The following ZNF160 variants were observed in gnomAD, a reference collection of about 807,000 sequenced individuals.
The protein encoded by ZNF160 is KRAB zinc finger protein KR18.
ZNF160 carries 9 observed loss-of-function variants against 13.1 expected under a neutral mutation model. The ratio of observed to expected loss-of-function variants is 0.69; its 90% CI spans 0.41 to 1.20. The LOEUF is 1.20. Among genes scored for constraint, ZNF160 ranks in the 50% most tolerant of loss-of-function variants. The probability of loss-of-function intolerance (pLI) is 0.01; values close to 1 mark genes in which losing one functional copy is unlikely to be tolerated. For missense variants in ZNF160, 838 were observed against 988.0 expected (o/e 0.85, Z 2.04); for synonymous variants, 293 against 333.2 (o/e 0.88, Z 1.31).
intron 5 of ZNF160, among the ~76,000 whole-genome samples, chr19:53,070,789 T>C (rs2084141239): frequency 6.6e-6 from 1 of 152,160 alleles, no homozygotes; most frequent in African/African-American, 2.4e-5. Flanking sequence ...CTGTTGTGGC[T>C]CATGCCTGTA....
chr19:53,086,635 A>T (rs561733149), intron 2 of ZNF160, among the ~76,000 whole-genome samples: 115 of 152,032 alleles, frequency 7.6e-4, no homozygotes, highest in Non-Finnish European at 1.4e-3. Flanking sequence ...CCCTGACCAA[A>T]CCCCATGCAG....
chr19:53,075,780 A>C, intron 3 of ZNF160: 1 of 518,998 alleles, frequency 1.9e-6, no homozygotes, highest in South Asian at 1.4e-5. Flanking sequence ...TGAGCCACTC[A>C]AGCAAACTAA....
chr19:53,100,357 T>G (rs2085396942), intron 1 of ZNF160, among the ~76,000 whole-genome samples: 1 of 152,232 alleles, frequency 6.6e-6, no homozygotes, highest in African/African-American at 2.4e-5. Context: ...ACGCCTGTAA[T>G]CCCAGCACTT....
At chr19:53,079,048 A>G (rs951789843) in intron 3 of ZNF160, among the ~76,000 whole-genome samples, 27 of 152,186 alleles carry the variant, frequency 1.8e-4, no homozygotes, top group African/African-American at 6.3e-4. Flanking sequence ...AAAGCCCTCA[A>G]CAAAATACTA....
In ZNF160 at chr19:53,082,199, TAA is replaced by T. The variant is rs572539269; in HGVS notation, c.15+4061_15+4062del. Among the ~76,000 whole-genome samples the T allele has an allele frequency of 1.1e-4, 17 of 152,290 alleles. No individual in the cohort carries two copies. The South Asian group carries it at 3.5e-3, about 32-fold the overall frequency. The stretch of plus-strand genomic sequence containing the variant: ...TTGGGTGATGGGATCTTTGGAAGAC[TAA>T]ACCTCAACATCACAAAATATACCCA... On this transcript the variant is annotated intron_variant, in intron 3 of 5. Coordinates refer to ENST00000683776, the MANE Select transcript of ZNF160 (RefSeq NM_001322131.2).
intron 1 of ZNF160, among the ~76,000 whole-genome samples, chr19:53,093,798 A>C (rs2085121796): frequency 6.6e-6 from 1 of 152,166 alleles, no homozygotes; most frequent in Admixed American, 6.5e-5. Context: ...ACAGAAGAAA[A>C]AAGCTTTGAA....
At chr19:53,072,115 T>G (rs55643285) in intron 5 of ZNF160, among the ~76,000 whole-genome samples, 11,211 of 151,894 alleles carry the variant, frequency 0.074, 443 homozygotes, top group Middle Eastern at 0.18. Context: ...CTTTTTTTTT[T>G]TTTTTAGACA....
At chr19:53,085,864 T>C (rs1276696315) in intron 3 of ZNF160, 2 of 565,628 alleles carry the variant, frequency 3.5e-6, no homozygotes. Context: ...CCCTTAGTGT[T>C]CTTTTCTATG....
intron 1 of ZNF160, among the ~76,000 whole-genome samples, chr19:53,092,403 TG>T (rs1477599708): frequency 6.6e-6 from 1 of 152,134 alleles, no homozygotes; most frequent in African/African-American, 2.4e-5. Context: ...CTCTGCCTCC[TG>T]GGTTCAAGCG....
At chr19:53,101,199 G>A (rs748322268) in intron 1 of ZNF160, among the ~76,000 whole-genome samples, 13 of 152,066 alleles carry the variant, frequency 8.5e-5, no homozygotes, top group Non-Finnish European at 1.5e-4. Flanking sequence ...AGAATCACTT[G>A]AACCCAGGAG....
At chr19:53,102,404 GCT>G (rs1176005254) in intron 1 of ZNF160, among the ~76,000 whole-genome samples, 3 of 152,124 alleles carry the variant, frequency 2.0e-5, no homozygotes, top group Non-Finnish European at 4.4e-5. Flanking sequence ...GCACCACGCA[GCT>G]CTGTCTGCCC....
At chr19:53,095,401 G>A (rs1452363437) in intron 1 of ZNF160, 1 of 151,640 alleles carries the variant, frequency 6.6e-6, no homozygotes, top group Non-Finnish European at 1.5e-5. Flanking sequence ...CTCCAGCCCT[G>A]TCCAACCACA....
At chr19:53,089,677 C>A (rs142657270) in intron 2 of ZNF160, among the ~76,000 whole-genome samples, 3 of 152,246 alleles carry the variant, frequency 2.0e-5, no homozygotes, top group Admixed American at 6.5e-5. Flanking sequence ...ATTATAAAGA[C>A]AGAAATCAAC....
intron 1 of ZNF160, among the ~76,000 whole-genome samples, chr19:53,094,043 G>T (rs76797119): frequency 0.1 from 15,303 of 152,164 alleles, 894 homozygotes; most frequent in South Asian, 0.15. Context: ...ATCATACAAG[G>T]TAACACTCCA....
chr19:53,085,197 T>C (rs2084785323), intron 3 of ZNF160: 1 of 985,412 alleles, frequency 1.0e-6, no homozygotes, highest in Non-Finnish European at 1.2e-6. Flanking sequence ...AACAAGGATG[T>C]AGAAAAGTGA....
intron 3 of ZNF160, among the ~76,000 whole-genome samples, chr19:53,082,249 C>T (rs550997470): frequency 1.3e-5 from 2 of 152,190 alleles, no homozygotes; most frequent in East Asian, 1.9e-4. Flanking sequence ...CACGTGTACC[C>T]CCTGAATCTA....
In ZNF160 at chr19:53,069,365, A is replaced by T. The variant is rs778094320; in HGVS notation, c.1169T>A (p.Ile390Asn). 6.2e-7 allele frequency: 1 copy of T among 1,614,026 alleles called. No individual in the cohort carries two copies. Among genetic ancestry groups the T allele is most frequent in the Non-Finnish European group, 8.5e-7 (1 of 1,179,944 alleles). Reference sequence around the variant, plus strand: ...CTTGTAAGGTTTCTCTCCAGTGTGAATTCTCCAATGACTTATAAGGTGTGA... The same window carrying T: ...CTTGTAAGGTTTCTCTCCAGTGTGATTTCTCCAATGACTTATAAGGTGTGA... The part of the protein sequence containing the change: ...QNSHLISHWR[I>N]HTGEKPYKCN... The change falls in exon 6 of 6, where the codon ATT becomes AAT. Residue 390 changes from isoleucine (I) to asparagine (N), a missense_variant. Ile to Asn is a moderately radical substitution (Grantham distance 149). Transcript: ENST00000683776. The surrounding 1 kb of genome is among the most constrained non-coding windows in gnomAD (Gnocchi z 4.4).
At chr19:53,100,619 A>G (rs933513222) in intron 1 of ZNF160, among the ~76,000 whole-genome samples, 5 of 151,942 alleles carry the variant, frequency 3.3e-5, no homozygotes, top group Admixed American at 6.6e-5. Context: ...CCAAAAAAAA[A>G]TTAGTTAATA....
intron 5 of ZNF160, among the ~76,000 whole-genome samples, chr19:53,073,671 A>T (rs756455093): frequency 3.3e-5 from 5 of 152,214 alleles, no homozygotes; most frequent in Non-Finnish European, 7.3e-5. Context: ...CTTCAGAAGG[A>T]ACCATAGAGT....
Sources: gnomAD v4.1 joint callset for allele counts (sites outside exome capture counted in the v4.1 genomes callset) on GRCh38, gnomAD v4.1.1 for gene constraint, Gnocchi (gnomAD v3.1) non-coding constraint, MANE v1.5 for transcripts, NCBI Gene and HGNC (gene_info 2026-07-23, HGNC 2026-07-21) for gene names.